KIFC3: variants seen among roughly 807,000 people sequenced by gnomAD.
The protein encoded by KIFC3 is kinesin-like protein KIFC3.
A neutral mutation model predicts 101.8 loss-of-function variants in KIFC3; 60 were observed. That is an observed-to-expected ratio of 0.59 (90% CI 0.48 to 0.73). The LOEUF (loss-of-function observed/expected upper bound fraction) is 0.73, where lower values mean the gene tolerates loss of function less well. Among genes scored for constraint, KIFC3 ranks in the 30% least tolerant of loss-of-function variants. The pLI is 0.00. For synonymous variants in KIFC3, 476 were observed against 482.7 expected, an observed-to-expected ratio of 0.99 and a Z score of 0.18; for missense variants, 966 against 1,137.1, an observed-to-expected ratio of 0.85 and a Z score of 2.16.
In KIFC3 at chr16:57,761,455, C is replaced by T; in HGVS notation, c.1830G>A (p.Gly610=). Residue 610 remains glycine (G), a synonymous_variant, in exon 14 of 20, where the codon GGG becomes GGA. Transcript: ENST00000445690. ...PDGSGQLYVP[G]LTEFQVQSVD... is the part of the protein sequence containing the mutation. ...CGCTCTGCACTTGGAACTCAGTCAG[C>T]CCTGGTACATACAGCTGCCCACTGC... 3 of 1,614,048 alleles carry T rather than the reference C, an allele frequency of 1.9e-6. No homozygotes were observed. The highest frequency in any genetic ancestry group is 2.5e-6 in the Non-Finnish European group (3 of 1,179,940).
chr16:57,784,609 C>T (rs1201746439), intron 3 of KIFC3, among the ~76,000 whole-genome samples: 2 of 152,114 alleles, frequency 1.3e-5, no homozygotes, highest in African/African-American at 4.8e-5. Flanking sequence ...GCCAGTCTGT[C>T]AACAGAGTGC....
intron 1 of KIFC3, among the ~76,000 whole-genome samples, chr16:57,860,047 TAAAATAAAATAAAATAAAATAAA>T (rs2056265619): frequency 1.5e-5 from 2 of 136,370 alleles, no homozygotes; most frequent in African/African-American, 2.6e-5. Context: ...TAAAATAAAA[TAAAATAAAATAAAATAAAATAAA>T]ATAAAATAAA....
At chr16:57,810,295 C>G (rs2149257303) in intron 1 of KIFC3, among the ~76,000 whole-genome samples, 1 of 152,332 alleles carries the variant, frequency 6.6e-6, no homozygotes, top group Admixed American at 6.5e-5. Context: ...ACCTGCTGAA[C>G]TCTTAGCACC....
chr16:57,795,884 G>GTTTTT lies in KIFC3; in HGVS notation c.173-748_173-744dup, dbSNP rs797031930. Among the ~76,000 whole-genome samples the GTTTTT allele has an allele frequency of 2.9e-4, 17 of 58,786 alleles. 2 individuals are homozygous for GTTTTT. The highest frequency in any genetic ancestry group is 9.2e-4 in the East Asian group (2 of 2,182). The allele number at this position is 58,786 out of a possible 152,430, so 38.6% of individuals were successfully genotyped here. On this transcript the variant is annotated intron_variant, in intron 2 of 19. Coordinates refer to ENST00000445690, the MANE Select transcript of KIFC3 (RefSeq NM_001130100.2). ...ACATTCTGTTTTTTTGGGCTTTTTTGTTTTTTTTTTTTTTTTTTTTTTTTT... is the reference window on the plus strand; with the variant it reads ...ACATTCTGTTTTTTTGGGCTTTTTTGTTTTTTTTTTTTTTTTTTTTTTTTTTTTTT...
chr16:57,823,230 A>C (rs554957133), intron 1 of KIFC3, among the ~76,000 whole-genome samples: 1 of 152,304 alleles, frequency 6.6e-6, no homozygotes, highest in East Asian at 1.9e-4. Flanking sequence ...ATTGATAATA[A>C]CTCTTTCAAC....
At chr16:57,859,037 A>G (rs1013321508) in intron 1 of KIFC3, among the ~76,000 whole-genome samples, 1 of 152,264 alleles carries the variant, frequency 6.6e-6, no homozygotes, top group Non-Finnish European at 1.5e-5. Flanking sequence ...AATGCATGGA[A>G]AAATATTCTG....
intron 3 of KIFC3, among the ~76,000 whole-genome samples, chr16:57,784,847 AG>A (rs2053152823): frequency 6.6e-6 from 1 of 152,078 alleles, no homozygotes. Context: ...GCCGGTGGTC[AG>A]CCCCATGGGA....
intron 1 of KIFC3, among the ~76,000 whole-genome samples, chr16:57,841,818 T>G (rs2055817906): frequency 6.6e-6 from 1 of 152,154 alleles, no homozygotes; most frequent in Admixed American, 6.6e-5. Context: ...TCTGTCACCA[T>G]GCCAGGCTCT....
In KIFC3 at chr16:57,829,163, T is replaced by TA. The variant is rs548500811; in HGVS notation, c.109-30882dup. On this transcript the variant is annotated intron_variant, in intron 1 of 2. Coordinates refer to the KIFC3 transcript ENST00000563028. ...AGGGCAAAGATAATGATTTCATATA[T>TA]AAAATTAACATATTCACCTTTATAC... 2.7e-3 allele frequency among the ~76,000 whole-genome samples: 414 copies of TA among 152,380 alleles called. 1 individual carries two copies. Among genetic ancestry groups the TA allele is most frequent in the African/African-American group, 8.9e-3 (372 of 41,592 alleles).
intron 1 of KIFC3, among the ~76,000 whole-genome samples, chr16:57,812,643 C>T (rs929887166): frequency 2.6e-5 from 4 of 152,124 alleles, no homozygotes; most frequent in Non-Finnish European, 5.9e-5. Flanking sequence ...GGCAAGAAAA[C>T]GGCTGGAGGT....
intron 7 of KIFC3, 106 bp from the exon 8 acceptor site, chr16:57,770,061 T>C (rs782727224): frequency 2.2e-6 from 3 of 1,349,308 alleles, no homozygotes; most frequent in South Asian, 1.4e-5. Flanking sequence ...TGAACACACA[T>C]GCACACACAC....
chr16:57,765,361 A>C, intron 11 of KIFC3, 98 bp downstream of exon 11: 1 of 1,216,476 alleles, frequency 8.2e-7, no homozygotes, highest in Non-Finnish European at 1.1e-6. Context: ...TGCACCCCCC[A>C]CTCTTAACGC....
intron 1 of KIFC3, chr16:57,815,442 T>C: frequency 8.4e-7 from 1 of 1,187,164 alleles, no homozygotes; most frequent in South Asian, 1.6e-5. Context: ...CCAAGCATTT[T>C]CCAAAGCCCG....
At chr16:57,856,189 GA>G (rs1261901917) in intron 1 of KIFC3, among the ~76,000 whole-genome samples, 3 of 101,160 alleles carry the variant, frequency 3.0e-5, no homozygotes, top group East Asian at 4.3e-4. Flanking sequence ...TAAAAAAAAA[GA>G]AAAAAAAAGG....
At chr16:57,785,783 G>A (rs746522670) in intron 3 of KIFC3, 6 of 479,228 alleles carry the variant, frequency 1.3e-5, no homozygotes, top group Non-Finnish European at 1.8e-5. Context: ...CAGAGGGGGT[G>A]GGCAACCAGG....
intron 1 of KIFC3, chr16:57,816,892 AC>A (rs1555628976): frequency 2.6e-6 from 1 of 381,582 alleles, no homozygotes; most frequent in Non-Finnish European, 5.2e-6. Context: ...ATCACAACCG[AC>A]CTTGAACCAT....
chr16:57,813,654 C>T, intron 1 of KIFC3: 2 of 984,500 alleles, frequency 2.0e-6, no homozygotes, highest in South Asian at 4.7e-5. Flanking sequence ...ATTTCCTATG[C>T]TCTGAAGCAA....
chr16:57,787,242 C>T (rs1416152935), intron 3 of KIFC3, among the ~76,000 whole-genome samples: 3 of 152,158 alleles, frequency 2.0e-5, no homozygotes, highest in Non-Finnish European at 4.4e-5. Flanking sequence ...ACTCGAGAGA[C>T]GTGTGGGAGG....
chr16:57,759,539 T>G, intron 18 of KIFC3, 189 bp downstream of exon 18: 1 of 587,636 alleles, frequency 1.7e-6, no homozygotes, highest in Non-Finnish European at 3.0e-6. Context: ...ATTTCCCACC[T>G]GCAGAACGGA....
Sources: gnomAD v4.1 joint callset for allele counts (sites outside exome capture counted in the v4.1 genomes callset) on GRCh38, gnomAD v4.1.1 for gene constraint, MANE v1.5 for transcripts, NCBI Gene and HGNC (gene_info 2026-07-23, HGNC 2026-07-21) for gene names.